ZW10: variants seen among roughly 807,000 people sequenced by gnomAD.
The protein encoded by ZW10 is centromere/kinetochore protein zw10 homolog.
ZW10 carries 53 observed loss-of-function variants against 87.8 expected under a neutral mutation model. The observed-to-expected ratio is 0.60, with a 90% CI of 0.48 to 0.76. The LOEUF is 0.76. Among genes scored for constraint, ZW10 ranks in the 30% least tolerant of loss-of-function variants. ZW10 has a pLI of 0.00. For missense variants in ZW10, 837 were observed against 923.0 expected, an observed-to-expected ratio of 0.91 and a Z score of 1.21; for synonymous variants, 312 against 329.2, an observed-to-expected ratio of 0.95 and a Z score of 0.57.
chr11:113,735,765 C>T (rs1953544870), intron 15 of ZW10, among the ~76,000 whole-genome samples: 1 of 152,134 alleles, frequency 6.6e-6, no homozygotes, highest in Non-Finnish European at 1.5e-5. Flanking sequence ...TCACTGGGCA[C>T]AGCAACATTA....
In ZW10 at chr11:113,773,609, G is replaced by C; in HGVS notation, c.58C>G (p.Leu20Val). 6.2e-7 allele frequency: 1 copy of C among 1,614,058 alleles called. No homozygotes were observed. The highest frequency in any genetic ancestry group is 8.5e-7 in the Non-Finnish European group (1 of 1,180,006). The part of the protein sequence containing the change: ...AHSGRLEKED[L>V]GTRISRLTRR... ...GTCAGGCGGCTGATCCGGGTCCCCA[G>C]ATCCTCCTTTTCCAGCCTCCCGGAG... is the stretch of plus-strand genomic sequence containing the variant. The change falls in exon 1 of 16, where the codon CTG becomes GTG. Residue 20 changes from leucine (L) to valine (V), a missense_variant. Physicochemically the swap from Leu to Val is conservative, Grantham distance 32 (BLOSUM62 1). Transcript: ENST00000200135.
chr11:113,771,119 G>A (rs1041109693), intron 1 of ZW10, among the ~76,000 whole-genome samples: 5 of 151,756 alleles, frequency 3.3e-5, no homozygotes, highest in Non-Finnish European at 7.4e-5. Flanking sequence ...GGGATTACAG[G>A]CGCCCACCAC....
In ZW10 at chr11:113,733,270, T is replaced by C. The variant is rs1253232556; in HGVS notation, c.*424A>G. On this transcript the variant is annotated 3_prime_UTR_variant, in exon 16 of 16. Transcript: ENST00000200135. ...AAGGCCAAATATGGTGGCCCATTCC[T>C]CCCTTCCCCTCCTCCACACCCCTAA... 1 of 155,990 alleles carries C rather than the reference T, an allele frequency of 6.4e-6. No individual in the cohort carries two copies. Among genetic ancestry groups the C allele is most frequent in the African/African-American group, 2.4e-5 (1 of 41,516 alleles). 9.7% of individuals were successfully genotyped at this position (155,990 alleles called of 1,614,324 possible).
chr11:113,747,519 T>C lies in ZW10; in HGVS notation c.1272+12A>G. 7 of 1,607,962 alleles carry C rather than the reference T, an allele frequency of 4.4e-6. No individual in the cohort carries two copies. Among genetic ancestry groups the C allele is most frequent in the Non-Finnish European group, 6.0e-6 (7 of 1,176,150 alleles). Reference sequence around the variant, plus strand: ...ACAATGTTTCATATACAATGCAATATAACACTGGTACCTTCACAGTGTTAT... The same window carrying C: ...ACAATGTTTCATATACAATGCAATACAACACTGGTACCTTCACAGTGTTAT... On this transcript the variant is annotated intron_variant, in intron 9 of 15. Transcript: ENST00000200135.
intron 6 of ZW10, among the ~76,000 whole-genome samples, chr11:113,758,239 C>T (rs1953815634): frequency 6.6e-6 from 1 of 151,326 alleles, no homozygotes; most frequent in East Asian, 1.9e-4. Context: ...AACCTAACAA[C>T]CAAAATACAT....
intron 7 of ZW10, among the ~76,000 whole-genome samples, chr11:113,754,197 G>A (rs549998475): frequency 1.3e-5 from 2 of 152,080 alleles, no homozygotes; most frequent in Non-Finnish European, 1.5e-5. Flanking sequence ...AAAAATCCTA[G>A]CACCAGGCCG....
chr11:113,773,558 T>G lies in ZW10; in HGVS notation c.105+4A>C. ...CAGTCAGCAGACAGCTGCCCCGCTC[T>G]CACCTTGATCTCCTCCACCCGCCGG... On this transcript the variant is annotated splice_donor_region_variant and intron_variant, in intron 1 of 15. Transcript: ENST00000200135. 6.2e-7 allele frequency: 1 copy of G among 1,612,210 alleles called. No individual in the cohort carries two copies. Among genetic ancestry groups the G allele is most frequent in the Non-Finnish European group, 8.5e-7 (1 of 1,179,594 alleles).
At chr11:113,769,829 A>C (rs1953945827) in intron 1 of ZW10, 1 of 384,838 alleles carries the variant, frequency 2.6e-6, no homozygotes, top group Non-Finnish European at 5.0e-6. Flanking sequence ...TTTGCTAGGA[A>C]AAACAAAGTT....
At chr11:113,767,651 C>T (rs1953922742) in intron 2 of ZW10, among the ~76,000 whole-genome samples, 1 of 152,046 alleles carries the variant, frequency 6.6e-6, no homozygotes, top group South Asian at 2.1e-4. Context: ...AATAGGATTC[C>T]GGAAATTCAA....
chr11:113,736,832 C>T lies in ZW10; in HGVS notation c.2017-10G>A. On this transcript the variant is annotated splice_polypyrimidine_tract_variant and intron_variant, in intron 14 of 15. Transcript: ENST00000200135. ...CTTCAGTAGATATGTCCTGGTTTTG[C>T]ACAGAGGAAACACAATAGAATAGAA... 6.2e-7 allele frequency: 1 copy of T among 1,613,688 alleles called. No individual in the cohort carries two copies. Among genetic ancestry groups the T allele is most frequent in the Non-Finnish European group, 8.5e-7 (1 of 1,179,680 alleles).
At position 113,747,572 on chromosome 11, in the gene ZW10, C is replaced by A; in HGVS notation, c.1231G>T (p.Ala411Ser). The part of the protein sequence containing the change: ...NKKCQDVIVA[A>S]RNLMTSEIHN... Reference sequence around the variant, plus strand: ...ATTTCTGAGGTCATTAGATTTCTGGCTGCCACAATCACATCCTGGCACTTT... The same window carrying A: ...ATTTCTGAGGTCATTAGATTTCTGGATGCCACAATCACATCCTGGCACTTT... The change falls in exon 9 of 16, where the codon GCC becomes TCC. Residue 411 changes from alanine (A) to serine (S), a missense_variant. Ala to Ser is a moderately conservative substitution (Grantham distance 99, BLOSUM62 1). Coordinates refer to ENST00000200135, the MANE Select transcript of ZW10 (RefSeq NM_004724.4). 6.2e-7 allele frequency: 1 copy of A among 1,613,596 alleles called. No individual in the cohort carries two copies. Among genetic ancestry groups the A allele is most frequent in the Non-Finnish European group, 8.5e-7 (1 of 1,179,686 alleles).
intron 8 of ZW10, 120 bp downstream of exon 8, chr11:113,748,137 C>T (rs1953699494): frequency 1.1e-6 from 1 of 898,554 alleles, no homozygotes; most frequent in Non-Finnish European, 1.6e-6. Context: ...TGTCTCTATT[C>T]CTTATTAATA....
chr11:113,763,132 C>A (rs1292632089), intron 2 of ZW10, among the ~76,000 whole-genome samples: 1 of 152,148 alleles, frequency 6.6e-6, no homozygotes, highest in Non-Finnish European at 1.5e-5. Context: ...TTTTCTACTC[C>A]TGTGTTAGTT....
At chr11:113,757,336 C>G (rs953115843) in intron 7 of ZW10, among the ~76,000 whole-genome samples, 1 of 152,140 alleles carries the variant, frequency 6.6e-6, no homozygotes, top group African/African-American at 2.4e-5. Flanking sequence ...ATTTCTTCTT[C>G]TCCTATAATT....
At position 113,757,766 on chromosome 11, in the gene ZW10, A is replaced by G. The variant is rs143714510; in HGVS notation, c.821T>C (p.Ile274Thr). ...AGTCATTATAGATTCAAAACGAATAATAACTATGTTAGGCTGGCTTTCTAT... is the reference window on the plus strand; with the variant it reads ...AGTCATTATAGATTCAAAACGAATAGTAACTATGTTAGGCTGGCTTTCTAT... ...AVIESQPNIV[I>T]IRFESIMTNL... Residue 274 changes from isoleucine (I) to threonine (T), a missense_variant, in exon 7 of 16, where the codon ATT becomes ACT. Ile to Thr is a moderately conservative substitution (Grantham distance 89). Transcript: ENST00000200135. 1 of 1,613,868 alleles carries G rather than the reference A, an allele frequency of 6.2e-7. No individual in the cohort carries two copies. The highest frequency in any genetic ancestry group is 1.3e-5 in the African/African-American group (1 of 74,934).
intron 15 of ZW10, among the ~76,000 whole-genome samples, chr11:113,734,542 C>T (rs1953527460): frequency 6.6e-6 from 1 of 152,154 alleles, no homozygotes; most frequent in African/African-American, 2.4e-5. Context: ...TGGTGGCTCA[C>T]ACCTGTAATC....
intron 2 of ZW10, among the ~76,000 whole-genome samples, chr11:113,764,003 T>G (rs1425885972): frequency 6.6e-6 from 1 of 152,238 alleles, no homozygotes; most frequent in African/African-American, 2.4e-5. Context: ...ATTTTACATT[T>G]AAGTCCTTAA....
At chr11:113,770,855 G>C (rs1246391508) in intron 1 of ZW10, among the ~76,000 whole-genome samples, 1 of 149,908 alleles carries the variant, frequency 6.7e-6, no homozygotes, top group Non-Finnish European at 1.5e-5. Flanking sequence ...AAATGATGCT[G>C]CACTCTGTGT....
intron 2 of ZW10, among the ~76,000 whole-genome samples, chr11:113,766,703 T>C (rs77306060): frequency 1.2e-4 from 12 of 101,220 alleles, no homozygotes; most frequent in African/African-American, 4.1e-4. Flanking sequence ...AAAAAATTAA[T>C]TTTTAAAAAT....
Sources: gnomAD v4.1 joint callset for allele counts (sites outside exome capture counted in the v4.1 genomes callset) on GRCh38, gnomAD v4.1.1 for gene constraint, MANE v1.5 for transcripts, NCBI Gene and HGNC (gene_info 2026-07-23, HGNC 2026-07-21) for gene names.